Variants in ADORA2A observed in about 807,000 individuals in gnomAD.
ADORA2A encodes the protein adenosine receptor A2a.
ADORA2A carries 11 observed loss-of-function variants against 18.4 expected under a neutral mutation model. The observed-to-expected ratio is 0.60, with a 90% CI of 0.38 to 0.99. The LOEUF (loss-of-function observed/expected upper bound fraction) is 0.99. ADORA2A is among the 50% of genes least tolerant of loss of function. The pLI is 0.01. For synonymous variants in ADORA2A, 218 were observed against 237.3 expected, an observed-to-expected ratio of 0.92 and a Z score of 0.75; for missense variants, 449 against 556.1, an observed-to-expected ratio of 0.81 and a Z score of 1.94.
intron 1 of ADORA2A, among the ~76,000 whole-genome samples, chr22:24,428,648 C>T (rs927803816): frequency 1.3e-5 from 2 of 152,226 alleles, no homozygotes; most frequent in East Asian, 3.9e-4. Flanking sequence ...AATGAATTCA[C>T]CTCCATGTTT....
intron 2 of ADORA2A, among the ~76,000 whole-genome samples, chr22:24,436,928 CAG>C (rs1309854867): frequency 6.6e-6 from 1 of 152,068 alleles, no homozygotes; most frequent in East Asian, 1.9e-4. Flanking sequence ...TGCCTAGTGA[CAG>C]AGAGAGATGA....
At chr22:24,438,822 T>C (rs1451356579) in intron 2 of ADORA2A, 1 of 152,102 alleles carries the variant, frequency 6.6e-6, no homozygotes, top group African/African-American at 2.4e-5. Context: ...TCTTTTTCTC[T>C]TTTATTTGAA....
intron 2 of ADORA2A, among the ~76,000 whole-genome samples, chr22:24,434,478 G>A (rs373849714): frequency 2.3e-4 from 35 of 152,294 alleles, no homozygotes; most frequent in African/African-American, 7.9e-4. Flanking sequence ...TGAATTACTC[G>A]GCATGGATTC....
chr22:24,431,574 A>G, intron 1 of ADORA2A: 1 of 442,692 alleles, frequency 2.3e-6, no homozygotes, highest in Non-Finnish European at 4.6e-6. Flanking sequence ...TGGAAGAGAG[A>G]GAGAGACGAG....
At position 24,433,167 on chromosome 22, in the gene ADORA2A, T is replaced by C. The variant is rs2043083989; in HGVS notation, c.-238T>C. On this transcript the variant is annotated 5_prime_UTR_variant, in exon 2 of 3. An upstream start codon of the reference 5' UTR is lost. Transcript: ENST00000337539. ...ACCCTGAAGCTGGGCTGAGCCATGA[T>C]GCTGCTGCCAGAACCCCTGCAGAGG... is the stretch of plus-strand genomic sequence containing the variant. 8.5e-6 allele frequency: 5 copies of C among 585,848 alleles called. No individual in the cohort carries two copies. Among genetic ancestry groups the C allele is most frequent in the South Asian group, 6.2e-5 (3 of 48,282 alleles). The allele number at this position is 585,848 out of a possible 1,614,324, so 36.3% of individuals were successfully genotyped here. A position where few individuals can be genotyped will look rare whatever the true frequency, so the allele number is the denominator to read the frequency against.
chr22:24,424,573 G>C (rs2042897291), upstream of ADORA2A: 1 of 152,336 alleles, frequency 6.6e-6, no homozygotes, highest in African/African-American at 2.4e-5. The surrounding 1 kb of genome is among the most constrained non-coding windows in gnomAD (Gnocchi z 4.9). Context: ...CGCGGGCAGA[G>C]ATACCCGAGC....
intron 1 of ADORA2A, chr22:24,430,994 A>G: frequency 2.6e-6 from 1 of 389,304 alleles, no homozygotes; most frequent in Non-Finnish European, 5.3e-6. Context: ...CACCAGCTCC[A>G]CTTGTACCTG....
chr22:24,441,383 C>G lies in ADORA2A; in HGVS notation c.1133C>G (p.Thr378Arg), dbSNP rs767866615. The G allele has an allele frequency of 6.4e-7, 1 of 1,571,438 alleles. No individual in the cohort carries two copies. The highest frequency in any genetic ancestry group is 1.4e-5 in the African/African-American group (1 of 73,886). Residue 378 changes from threonine to arginine, a missense_variant, in exon 3 of 3, where the codon ACG (threonine) becomes AGG (arginine). Transcript: ENST00000337539. The part of the protein sequence containing the change: ...GGSAQESQGN[T>R]GLPDVELLSH... ...AGTGCCCAAGAGTCCCAGGGGAACACGGGCCTCCCAGACGTGGAGCTCCTT... is the reference window on the plus strand; with the variant it reads ...AGTGCCCAAGAGTCCCAGGGGAACAGGGGCCTCCCAGACGTGGAGCTCCTT...
At chr22:24,424,935 C>G (rs2042901248), upstream of ADORA2A, among the ~76,000 whole-genome samples, 1 of 152,042 alleles carries the variant, frequency 6.6e-6, no homozygotes. The surrounding 1 kb of genome is among the most constrained non-coding windows in gnomAD (Gnocchi z 4.9). Flanking sequence ...GGGTCCTAGG[C>G]TGGGGGAGTC....
intron 2 of ADORA2A, among the ~76,000 whole-genome samples, chr22:24,434,939 G>C (rs1239512110): frequency 1.3e-5 from 2 of 152,188 alleles, no homozygotes; most frequent in African/African-American, 4.8e-5. Flanking sequence ...AATGTGGCCT[G>C]ATCCCCACTG....
chr22:24,438,082 C>A lies in ADORA2A; in HGVS notation c.333-2501C>A, dbSNP rs571140317. Among the ~76,000 whole-genome samples the A allele has an allele frequency of 3.8e-4, 58 of 152,386 alleles. 1 individual carries two copies. The highest frequency in any genetic ancestry group is 9.6e-4 in the East Asian group (5 of 5,188). On this transcript the variant is annotated intron_variant, in intron 2 of 2. Transcript: ENST00000337539. ...CTCTGTTGCCTCAAATGACAGGAAACTCACTATTGCCTGAGGCAGGCCATC... is the reference window on the plus strand; with the variant it reads ...CTCTGTTGCCTCAAATGACAGGAAAATCACTATTGCCTGAGGCAGGCCATC...
In ADORA2A at chr22:24,441,298, A is replaced by C; in HGVS notation, c.1048A>C (p.Ser350Arg). Reference protein sequence around the residue: ...GHPPGVWANGSAPHPERRPNG... With the variant: ...GHPPGVWANGRAPHPERRPNG... ...CCCGCCAGGAGTGTGGGCCAACGGC[A>C]GTGCTCCCCACCCTGAGCGGAGGCC... The change falls in exon 3 of 3, where the codon AGT becomes CGT. Residue 350 changes from serine to arginine, a missense_variant. Physicochemically the swap from Ser to Arg is moderately radical, Grantham distance 110. Coordinates refer to ENST00000337539, the MANE Select transcript of ADORA2A (RefSeq NM_000675.6). 1 of 1,611,000 alleles carries C rather than the reference A, an allele frequency of 6.2e-7. No individual in the cohort carries two copies. Among genetic ancestry groups the C allele is most frequent in the Non-Finnish European group, 8.5e-7 (1 of 1,178,142 alleles).
rs1332688680 is a variant in ADORA2A, at chr22:24,431,285, C to G, written c.-274-1846C>G. 14 of 456,898 alleles carry G rather than the reference C, an allele frequency of 3.1e-5. No homozygotes were observed. The Admixed American group carries it at 3.3e-4, about 11-fold the overall frequency. 28.3% of individuals were successfully genotyped at this position (456,898 alleles called of 1,614,324 possible). A position where few individuals can be genotyped will look rare whatever the true frequency, so the allele number is the denominator to read the frequency against. ...TGCTCTCTCCTTCCTCCTCCTGCTT[C>G]TGTGTCAATGCTCCATTCCCAGGCT... is the stretch of plus-strand genomic sequence containing the variant. On this transcript the variant is annotated intron_variant, in intron 1 of 2. Transcript: ENST00000337539.
intron 2 of ADORA2A, among the ~76,000 whole-genome samples, chr22:24,436,402 T>A (rs1215965158): frequency 6.6e-6 from 1 of 150,558 alleles, no homozygotes; most frequent in Non-Finnish European, 1.5e-5. Context: ...CTCCATTAAC[T>A]TTTTTTTTAA....
rs200176420 is a variant in ADORA2A at position 24,440,624 on chromosome 22, T to C, written c.374T>C (p.Ile125Thr). ...ACCGGCACGAGGGCTAAGGGCATCA[T>C]TGCCATCTGCTGGGTGCTGTCGTTT... is the stretch of plus-strand genomic sequence containing the variant. ...LVTGTRAKGIIAICWVLSFAI... is the reference protein window; with the variant it reads ...LVTGTRAKGITAICWVLSFAI... The change falls in exon 3 of 3, where the codon ATT becomes ACT. Residue 125 changes from isoleucine (I) to threonine (T), a missense_variant. Ile to Thr is a moderately conservative substitution (Grantham distance 89). Transcript: ENST00000337539. 15 of 1,591,902 alleles carry C rather than the reference T, an allele frequency of 9.4e-6. No homozygotes were observed. The highest frequency in any genetic ancestry group is 2.3e-5 in the South Asian group (2 of 87,824).
At chr22:24,431,055 G>A (rs549155920) in intron 1 of ADORA2A, 156 of 443,676 alleles carry the variant, frequency 3.5e-4, no homozygotes, top group Non-Finnish European at 6.2e-4. Flanking sequence ...TACTGCTCAG[G>A]GAGAGAGGCC....
At chr22:24,423,684 T>TG (rs1203485825), upstream of ADORA2A, 2 of 151,996 alleles carry the variant, frequency 1.3e-5, no homozygotes, top group South Asian at 2.1e-4. Flanking sequence ...AGGAGCGCGC[T>TG]GGGGGGCCGC....
intron 1 of ADORA2A, chr22:24,432,001 A>C (rs943759864): frequency 6.1e-6 from 1 of 162,992 alleles, no homozygotes; most frequent in African/African-American, 2.4e-5. Flanking sequence ...CCCAGAAAAG[A>C]AAAGCATTTT....
intron 1 of ADORA2A, among the ~76,000 whole-genome samples, chr22:24,431,795 G>A (rs1040549799): frequency 1.3e-5 from 2 of 152,030 alleles, no homozygotes; most frequent in African/African-American, 4.8e-5. Flanking sequence ...GACACTGGGA[G>A]TTGGGGCTGG....
Sources: gnomAD v4.1 joint callset for allele counts (sites outside exome capture counted in the v4.1 genomes callset) on GRCh38, gnomAD v4.1.1 for gene constraint, Gnocchi (gnomAD v3.1) non-coding constraint, MANE v1.5 for transcripts, NCBI Gene and HGNC (gene_info 2026-07-23, HGNC 2026-07-21) for gene names.